DST: variants seen among roughly 807,000 people sequenced by gnomAD.
DST encodes dystonin.
DST carries 253 observed loss-of-function variants against 875.2 expected under a neutral mutation model. The ratio of observed to expected loss-of-function variants is 0.29; its 90% confidence interval spans 0.26 to 0.32. The LOEUF (loss-of-function observed/expected upper bound fraction) is 0.32. Ranked by LOEUF, DST falls within the 10% of genes least tolerant of loss-of-function variation. The pLI, the probability that DST is intolerant of heterozygous loss-of-function variation, is 1.00. For synonymous variants in DST, 3,124 were observed against 3,197.1 expected (o/e 0.98, Z 0.77); for missense variants, 8,287 against 9,111.6 (o/e 0.91, Z 3.68).
intron 3 of DST, among the ~76,000 whole-genome samples, chr6:56,870,387 A>C (rs890440186): frequency 1.4e-5 from 2 of 142,162 alleles, no homozygotes; most frequent in African/African-American, 5.4e-5. Context: ...GTTCCCTCCC[A>C]TTTTATGGGA....
At chr6:56,497,154 T>C (rs2095941743) in intron 82 of DST, among the ~76,000 whole-genome samples, 1 of 151,946 alleles carries the variant, frequency 6.6e-6, no homozygotes, top group Non-Finnish European at 1.5e-5. Context: ...CCCTAAAACT[T>C]AAAGTATAAT....
rs80212870 is a variant in DST at position 56,905,398 on chromosome 6, T to G, written c.217-4777A>C. 9.5e-4 allele frequency among the ~76,000 whole-genome samples: 144 copies of G among 152,306 alleles called. 1 individual carries two copies. Among genetic ancestry groups the G allele is most frequent in the Non-Finnish European group, 1.9e-3 (129 of 68,026 alleles). ...TAACGGAAACTTTATACCCATTGAA[T>G]AGCAACTTCCTATCTCTCCTTCCCT... On this transcript the variant is annotated intron_variant, in intron 2 of 103. Transcript: ENST00000680361.
intron 49 of DST, 139 bp downstream of exon 49, chr6:56,592,043 A>G (rs1358337934): frequency 5.0e-6 from 4 of 797,480 alleles, no homozygotes; most frequent in Non-Finnish European, 6.0e-6. Context: ...AAATAGAGTC[A>G]AAACTACCTC....
At chr6:56,636,255 TACACACACACACAA>T (rs2098823080) in intron 23 of DST, among the ~76,000 whole-genome samples, 2 of 147,824 alleles carry the variant, frequency 1.4e-5, no homozygotes, top group Admixed American at 6.7e-5. Flanking sequence ...TATATATATA[TACACACACACACAA>T]ACACACACAC....
chr6:56,923,150 T>A (rs1310422915), intron 2 of DST, among the ~76,000 whole-genome samples: 1 of 152,182 alleles, frequency 6.6e-6, no homozygotes, highest in Non-Finnish European at 1.5e-5. Context: ...GGGAACTCAT[T>A]ACTGTAATTC....
chr6:56,557,613 T>C, intron 58 of DST, 95 bp from the exon 59 acceptor site: 5 of 908,482 alleles, frequency 5.5e-6, no homozygotes, highest in Non-Finnish European at 8.2e-6. Flanking sequence ...AAATGATATA[T>C]AATGGCTATA....
At position 56,568,365 on chromosome 6, in the gene DST, TTC is replaced by T. The variant is rs1283780001; in HGVS notation, c.14005+102_14005+103del. On this transcript the variant is annotated intron_variant, in intron 55 of 103. Transcript: ENST00000680361. Reference sequence around the variant, plus strand: ...GTTTCTTGTCACTTTCACTTTGTATTTCTGAGGTTATTTTATGCATTAATTTA... The same window carrying T: ...GTTTCTTGTCACTTTCACTTTGTATTTGAGGTTATTTTATGCATTAATTTA... 8.8e-6 allele frequency: 11 copies of T among 1,255,028 alleles called. No individual in the cohort carries two copies. The African/African-American group carries it at 1.4e-4, about 16-fold the overall frequency. The allele number at this position is 1,255,028 out of a possible 1,614,324, so 77.7% of individuals were successfully genotyped here. A position where few individuals can be genotyped will look rare whatever the true frequency, so the allele number is the denominator to read the frequency against.
chr6:56,459,653 G>T lies in DST; in HGVS notation c.23195-386C>A, dbSNP rs2094221056. 1.3e-5 allele frequency among the ~76,000 whole-genome samples: 2 copies of T among 152,182 alleles called. 1 individual carries two copies. On this transcript the variant is annotated intron_variant, in intron 103 of 103. Transcript: ENST00000680361. ...CAAGACAGGTTTAAGTCTTGCCCAAGAATAGGTAACTCCAAGAATGTAGGA... is the reference window on the plus strand; with the variant it reads ...CAAGACAGGTTTAAGTCTTGCCCAATAATAGGTAACTCCAAGAATGTAGGA...
chr6:56,932,825 A>G (rs117920138), intron 2 of DST, among the ~76,000 whole-genome samples: 1,764 of 151,440 alleles, frequency 0.012, 35 homozygotes, highest in East Asian at 0.039. Flanking sequence ...GTGGGTCCCA[A>G]GCATAGAAAT....
chr6:56,498,167 G>A (rs928622598), intron 80 of DST, 114 bp from the exon 81 acceptor site: 3 of 1,058,538 alleles, frequency 2.8e-6, no homozygotes, highest in East Asian at 2.4e-5. Flanking sequence ...AACGTTATAT[G>A]TGTAGAATTT....
At chr6:56,551,432 G>GCC (rs2097319736) in intron 61 of DST, among the ~76,000 whole-genome samples, 2 of 152,158 alleles carry the variant, frequency 1.3e-5, no homozygotes. Flanking sequence ...AGGACCCTTT[G>GCC]TTTCCAGGGA....
chr6:56,617,461 C>T (rs749283261), intron 36 of DST: 1 of 1,451,842 alleles, frequency 6.9e-7, no homozygotes, highest in African/African-American at 1.4e-5. Context: ...ACCTCAAGAA[C>T]ATTATGTCAC....
At position 56,492,998 on chromosome 6, in the gene DST, AG is replaced by A; in HGVS notation, c.20485del (p.Leu6829Ter). ...INWLTQAEQT[L>X]NVASRPSLIL... ...GAGACTTGGCCGAGAAGCTACATTT[AG>A]GGTCTGTTCAGCCTGAGTAAGCCAG... On this transcript the variant is annotated frameshift_variant, in exon 84 of 104. Transcript: ENST00000680361. LOFTEE classifies it high-confidence loss of function. 1 of 1,612,840 alleles carries A rather than the reference AG, an allele frequency of 6.2e-7. No homozygotes were observed. Among genetic ancestry groups the A allele is most frequent in the Non-Finnish European group, 8.5e-7 (1 of 1,179,328 alleles).
intron 78 of DST, among the ~76,000 whole-genome samples, chr6:56,503,483 T>C (rs2096204406): frequency 6.6e-6 from 1 of 151,970 alleles, no homozygotes; most frequent in Admixed American, 6.6e-5. Context: ...CTGTAGTGTA[T>C]TGACAACATA....
At chr6:56,721,915 C>A (rs1209437165) in intron 5 of DST, among the ~76,000 whole-genome samples, 1 of 152,090 alleles carries the variant, frequency 6.6e-6, no homozygotes, top group Non-Finnish European at 1.5e-5. Context: ...CAATACAGGG[C>A]CAGAAAGTAT....
chr6:56,865,558 G>T (rs1773589204), intron 3 of DST, among the ~76,000 whole-genome samples: 1 of 152,092 alleles, frequency 6.6e-6, no homozygotes, highest in Non-Finnish European at 1.5e-5. Context: ...GTCTCACTGT[G>T]TTGCTCAGGC....
intron 36 of DST, among the ~76,000 whole-genome samples, chr6:56,622,565 G>A (rs1294948745): frequency 4.5e-5 from 3 of 67,364 alleles, no homozygotes; most frequent in African/African-American, 8.0e-5. Flanking sequence ...ACAGAGATCC[G>A]TCTCAAAAAA....
In DST at chr6:56,492,981, G is replaced by A. The variant is rs2095800964; in HGVS notation, c.20503C>T (p.Pro6835Ser). ...AAGACTGTGTCCAAGATGAGACTTG[G>A]CCGAGAAGCTACATTTAGGGTCTGT... ...AEQTLNVASR[P>S]SLILDTVLFQ... is the part of the protein sequence containing the mutation. Residue 6835 changes from proline (P) to serine (S), a missense_variant, in exon 84 of 104, where the codon CCA becomes TCA. By Grantham distance (74) the Pro-to-Ser change is moderately conservative. Transcript: ENST00000680361. 1 of 1,612,366 alleles carries A rather than the reference G, an allele frequency of 6.2e-7. No individual in the cohort carries two copies. The highest frequency in any genetic ancestry group is 2.2e-5 in the East Asian group (1 of 44,842).
At chr6:56,506,382 C>A in intron 77 of DST, 61 bp downstream of exon 77, 1 of 1,348,268 alleles carries the variant, frequency 7.4e-7, no homozygotes, top group South Asian at 1.4e-5. Context: ...AATATGTAGA[C>A]ATCAATTAGT....
Sources: allele counts gnomAD v4.1 joint callset (sites outside exome capture counted in the v4.1 genomes callset), GRCh38; gene constraint gnomAD v4.1.1; transcripts MANE v1.5; gene names NCBI Gene and HGNC (gene_info 2026-07-23, HGNC 2026-07-21).